The following SPG7 variants were observed in gnomAD, a reference collection of about 807,000 sequenced individuals.
The protein encoded by SPG7 is SPG7 matrix AAA peptidase subunit, paraplegin, also known as mitochondrial inner membrane m-AAA protease component paraplegin.
In SPG7, 103 loss-of-function variants were observed where a neutral mutation model predicts 81.9. That is an observed-to-expected ratio of 1.26 (90% CI 1.07 to 1.48). The LOEUF (loss-of-function observed/expected upper bound fraction) is 1.48, where lower values mean the gene tolerates loss of function less well. SPG7 is among the 40% of genes most tolerant of loss of function. The pLI is 0.00. For synonymous variants in SPG7, 534 were observed against 444.2 expected (o/e 1.20, Z -2.54); for missense variants, 1,241 against 1,087.3 (o/e 1.14, Z -1.99).
chr16:89,515,602 C>T (rs1004974660), intron 3 of SPG7, among the ~76,000 whole-genome samples: 6 of 147,172 alleles, frequency 4.1e-5, no homozygotes, highest in South Asian at 2.4e-4. Flanking sequence ...TGGGTAGGTG[C>T]GGTGGCTCAC....
chr16:89,523,897 GGAC>G, intron 3 of SPG7, 106 bp from the exon 4 acceptor site: 2 of 1,371,048 alleles, frequency 1.5e-6, no homozygotes, highest in Non-Finnish European at 2.0e-6. Flanking sequence ...CTTCTGTGCA[GGAC>G]GCTGCCCCTC....
intron 6 of SPG7, chr16:89,530,110 A>T (rs2058320879): frequency 3.7e-6 from 1 of 271,534 alleles, no homozygotes. Context: ...AAGTGCTGGG[A>T]TTATAGGCAT....
chr16:89,518,484 G>C (rs554498154), intron 3 of SPG7: 1 of 151,902 alleles, frequency 6.6e-6, no homozygotes, highest in African/African-American at 2.4e-5. Flanking sequence ...GGAATTACAC[G>C]GAGTGAAAAA....
intron 2 of SPG7, among the ~76,000 whole-genome samples, chr16:89,511,346 T>G (rs2058019464): frequency 6.6e-6 from 1 of 152,240 alleles, no homozygotes; most frequent in Non-Finnish European, 1.5e-5. Context: ...GTGACATTCT[T>G]TGGTCTCTCT....
At chr16:89,523,762 G>T (rs80000141) in intron 3 of SPG7, 2 of 638,922 alleles carry the variant, frequency 3.1e-6, no homozygotes, top group South Asian at 3.1e-5. Context: ...TTTCCTCTTA[G>T]GTGGGAACCA....
chr16:89,546,416 G>A (rs2058563825), intron 10 of SPG7: 3 of 472,556 alleles, frequency 6.3e-6, no homozygotes, highest in Admixed American at 3.0e-5. Flanking sequence ...GGTGGCTCAC[G>A]CCTGTAACCC....
intron 9 of SPG7, chr16:89,543,038 T>TTC (rs2058516601): frequency 7.1e-6 from 1 of 140,766 alleles, no homozygotes; most frequent in Admixed American, 7.6e-5. Flanking sequence ...AGCTCCACCC[T>TTC]TCAGGTTCAC....
intron 7 of SPG7, chr16:89,531,392 G>A (rs532215284): frequency 1.1e-4 from 20 of 177,814 alleles, no homozygotes; most frequent in African/African-American, 2.9e-4. Context: ...TTTTTTTTTC[G>A]AGACAGAGTC....
chr16:89,532,951 C>T (rs1187828480), intron 9 of SPG7: 2 of 387,250 alleles, frequency 5.2e-6, no homozygotes, highest in South Asian at 2.2e-5. Context: ...GGTGTGGTGG[C>T]AGGTGCTTAT....
Position 89,556,604 on chromosome 16 carries a change from G to A in SPG7, c.2182-283G>A, listed in dbSNP as rs113066938. On this transcript the variant is annotated intron_variant, in intron 16 of 16. Transcript: ENST00000645818. ...CATCTCCTTCCCTGTAGACACACAC[G>A]TCTTGTTTGGTGAAAGAAATTGCAG... 1,970 of 461,810 alleles carry A rather than the reference G, an allele frequency of 4.3e-3. 35 individuals carry two copies. Among genetic ancestry groups the A allele is most frequent in the African/African-American group, 0.036 (1,819 of 50,582 alleles). 28.6% of individuals were successfully genotyped at this position (461,810 alleles called of 1,614,324 possible).
chr16:89,550,593 C>G lies in SPG7; in HGVS notation c.1763C>G (p.Thr588Arg). 1.2e-6 allele frequency: 2 copies of G among 1,613,036 alleles called. No individual in the cohort carries two copies. The highest frequency in any genetic ancestry group is 1.7e-6 in the Non-Finnish European group (2 of 1,179,368). Reference sequence around the variant, plus strand: ...TTGGTGGGCTGGATGCTGGAGCACACGGAGGCCGTGATGAAGGTGGGTCTT... The same window carrying G: ...TTGGTGGGCTGGATGCTGGAGCACAGGGAGGCCGTGATGAAGGTGGGTCTT... ...HALVGWMLEHTEAVMKVSITP... is the reference protein window; with the variant it reads ...HALVGWMLEHREAVMKVSITP... The change falls in exon 13 of 17, where the codon ACG becomes AGG. Residue 588 changes from threonine to arginine, a missense_variant. Coordinates refer to ENST00000645818, the MANE Select transcript of SPG7 (RefSeq NM_003119.4).
intron 12 of SPG7, chr16:89,549,388 T>C: frequency 2.7e-6 from 1 of 374,172 alleles, no homozygotes; most frequent in South Asian, 2.0e-5. Flanking sequence ...GGCTGGGCAC[T>C]GTGGCTCATG....
chr16:89,554,696 A>G (rs1340830827), intron 16 of SPG7, 133 bp downstream of exon 16: 2 of 687,768 alleles, frequency 2.9e-6, no homozygotes, highest in South Asian at 3.0e-5. Context: ...TGTGAATTCT[A>G]CCCAGCTCAA....
Position 89,517,616 on chromosome 16 carries a change from C to CTTTTTTTTTTT in SPG7, c.376+4589_376+4599dup, listed in dbSNP as rs11318359. 1.5e-5 allele frequency: 2 copies of CTTTTTTTTTTT among 130,314 alleles called. 1 individual carries two copies. Among genetic ancestry groups the CTTTTTTTTTTT allele is most frequent in the Non-Finnish European group, 3.3e-5 (2 of 60,872 alleles). The allele number at this position is 130,314 out of a possible 1,614,324, so 8.1% of individuals were successfully genotyped here. A position where few individuals can be genotyped will look rare whatever the true frequency, so the allele number is the denominator to read the frequency against. On this transcript the variant is annotated intron_variant, in intron 3 of 16. Coordinates refer to ENST00000645818, the MANE Select transcript of SPG7 (RefSeq NM_003119.4). ...CCTGCATCTGAGTAATTGTCGTCGTCTTTTTTTTTTTTTTTTTTTTGAGAT... is the reference window on the plus strand; with the variant it reads ...CCTGCATCTGAGTAATTGTCGTCGTCTTTTTTTTTTTTTTTTTTTTTTTTTTTTTTTGAGAT...
intron 9 of SPG7, chr16:89,541,463 G>A (rs1597649432): frequency 2.3e-6 from 1 of 434,260 alleles, no homozygotes; most frequent in Non-Finnish European, 3.1e-6. Flanking sequence ...GAGGTCTCCA[G>A]GGAGGAGGGA....
In SPG7 at chr16:89,544,739, C is replaced by G. The variant is rs1160232888; in HGVS notation, c.1416C>G (p.Asp472Glu). 6.2e-7 allele frequency: 1 copy of G among 1,614,114 alleles called. No individual in the cohort carries two copies. Among genetic ancestry groups the G allele is most frequent in the Non-Finnish European group, 8.5e-7 (1 of 1,180,002 alleles). Residue 472 changes from aspartate to glutamate, a missense_variant, in exon 10 of 17, where the codon GAC (aspartate) becomes GAG (glutamate). Physicochemically the swap from Asp to Glu is conservative, Grantham distance 45. Coordinates refer to ENST00000645818, the MANE Select transcript of SPG7 (RefSeq NM_003119.4). ...CTCTGATGAGGCCAGGCCGACTGGA[C>G]CGGCACGTCTTCATTGATCTCCCCA... ...DGALMRPGRLDRHVFIDLPTL... is the reference protein window; with the variant it reads ...DGALMRPGRLERHVFIDLPTL...
Position 89,524,242 on chromosome 16 carries a change from C to CGGCCTGTGAGTGAGGGTGCGGGA in SPG7, c.618+14_618+36dup. The CGGCCTGTGAGTGAGGGTGCGGGA allele has an allele frequency of 1.1e-5, 18 of 1,609,718 alleles. No individual in the cohort carries two copies. The highest frequency in any genetic ancestry group is 1.5e-5 in the Non-Finnish European group (18 of 1,177,960). ...GCACCCTGGAGCCGTGGTGTTTGGG[C>CGGCCTGTGAGTGAGGGTGCGGGA]GGCCTGTGAGTGAGGGTGCGGGAGG... is the stretch of plus-strand genomic sequence containing the variant. On this transcript the variant is annotated frameshift_variant, in exon 4 of 17. Transcript: ENST00000645818. LOFTEE classifies it high-confidence loss of function.
chr16:89,527,161 A>G (rs1355785099), intron 5 of SPG7: 1 of 156,762 alleles, frequency 6.4e-6, no homozygotes, highest in African/African-American at 2.4e-5. Flanking sequence ...GTGCATGTTG[A>G]GTATAGATGC....
chr16:89,525,840 G>A lies in SPG7; in HGVS notation c.619-489G>A, dbSNP rs143743429. ...ATCCTCAGTCCCGTGCTGCAGCCTC[G>A]CCGGCCTCTGGGGGGCTCCTGCTGT... On this transcript the variant is annotated intron_variant, in intron 4 of 16. Transcript: ENST00000645818. 9.6e-3 allele frequency among the ~76,000 whole-genome samples: 1,456 copies of A among 152,240 alleles called. 20 individuals carry two copies. Among genetic ancestry groups the A allele is most frequent in the Non-Finnish European group, 0.016 (1,087 of 68,018 alleles).
Sources: allele counts gnomAD v4.1 joint callset (sites outside exome capture counted in the v4.1 genomes callset), GRCh38; gene constraint gnomAD v4.1.1; transcripts MANE v1.5; gene names NCBI Gene and HGNC (gene_info 2026-07-23, HGNC 2026-07-21).